Variants in NT5DC2 observed in about 807,000 individuals in gnomAD.
NT5DC2 encodes 5'-nucleotidase domain-containing protein 2.
Under a neutral mutation model 70.0 loss-of-function variants are expected in NT5DC2, and 41 were observed. The observed-to-expected ratio is 0.59, with a 90% CI of 0.46 to 0.76. The LOEUF is 0.76. Among genes scored for constraint, NT5DC2 ranks in the 30% least tolerant of loss-of-function variants. The pLI, the probability that NT5DC2 is intolerant of heterozygous loss-of-function variation, is 0.00. For synonymous variants in NT5DC2, 299 were observed against 310.4 expected (o/e 0.96, Z 0.39); for missense variants, 705 against 783.2 (o/e 0.90, Z 1.19).
chr3:52,527,644 T>C lies in NT5DC2; in HGVS notation c.1010A>G (p.Lys337Arg). 1.2e-6 allele frequency: 2 copies of C among 1,613,100 alleles called. No homozygotes were observed. Among genetic ancestry groups the C allele is most frequent in the Non-Finnish European group, 1.7e-6 (2 of 1,180,008 alleles). Residue 337 changes from lysine (K) to arginine (R), a missense_variant, in exon 9 of 14, where the codon AAG becomes AGG. By Grantham distance (26) the Lys-to-Arg change is conservative. Transcript: ENST00000422318. The stretch of plus-strand genomic sequence containing the variant: ...GCGCCGGTCAGTGAAGAAGCTGGGC[T>C]TGTCTGCCTGGACAATGACCACATC... ...LFDVVIVQAD[K>R]PSFFTDRRKP...
Position 52,525,274 on chromosome 3 carries a change from G to A in NT5DC2, c.1141C>T (p.Arg381Cys), listed in dbSNP as rs750636981. 21 of 1,612,682 alleles carry A rather than the reference G, an allele frequency of 1.3e-5. No individual in the cohort carries two copies. The highest frequency in any genetic ancestry group is 5.0e-5 in the Admixed American group (3 of 59,968). Residue 381 changes from arginine (R) to cysteine (C), a missense_variant, in exon 11 of 14, where the codon CGC becomes TGC. Physicochemically the swap from Arg to Cys is radical, Grantham distance 180 (BLOSUM62 -3). Coordinates refer to ENST00000422318, the MANE Select transcript of NT5DC2 (RefSeq NM_001134231.2). ...CGGGGGCCACGCCATTCCGTCAAGC[G>A]TAAGAAGTCAAACAGGTTTCCCTAG... is the stretch of plus-strand genomic sequence containing the variant. ...YRQGNLFDFL[R>C]LTEWRGPRVL...
At chr3:52,528,363 G>C in intron 5 of NT5DC2, 52 bp from the exon 6 acceptor site, 4 of 1,613,256 alleles carry the variant, frequency 2.5e-6, no homozygotes, top group Non-Finnish European at 3.4e-6. Context: ...AACCCCTTCA[G>C]TGCTGGAGAC....
chr3:52,525,247 C>T lies in NT5DC2; in HGVS notation c.1168G>A (p.Val390Met), dbSNP rs749124845. The change falls in exon 11 of 14, where the codon GTG becomes ATG. Residue 390 changes from valine (V) to methionine (M), a missense_variant. By Grantham distance (21) the Val-to-Met change is conservative. Coordinates refer to ENST00000422318, the MANE Select transcript of NT5DC2 (RefSeq NM_001134231.2). Reference protein sequence around the residue: ...LRLTEWRGPRVLYFGDHLYSD... With the variant: ...LRLTEWRGPRMLYFGDHLYSD... ...TAGAGGTGGTCCCCGAAGTAGAGCA[C>T]GCGGGGGCCACGCCATTCCGTCAAG... 9.3e-6 allele frequency: 15 copies of T among 1,612,758 alleles called. No individual in the cohort carries two copies. Among genetic ancestry groups the T allele is most frequent in the Non-Finnish European group, 1.2e-5 (14 of 1,179,928 alleles).
rs1575390166 is a variant in NT5DC2, at chr3:52,529,469, C to A, written c.233-135G>T. The stretch of plus-strand genomic sequence containing the variant: ...CACAATGGCACCTCTTATTCCAGTG[C>A]TGGAGATGGTCAAACAGGCCCAGAG... On this transcript the variant is annotated intron_variant, in intron 1 of 13. Coordinates refer to ENST00000422318, the MANE Select transcript of NT5DC2 (RefSeq NM_001134231.2). This position sits in a 1 kb window ranked among gnomAD's most constrained non-coding sequence, Gnocchi z 4.1. 6 of 812,598 alleles carry A rather than the reference C, an allele frequency of 7.4e-6. No homozygotes were observed. In the East Asian group the frequency reaches 1.6e-4, roughly 22 times the overall value. The allele number at this position is 812,598 out of a possible 1,614,324, so 50.3% of individuals were successfully genotyped here.
In NT5DC2 at chr3:52,524,651, C is replaced by T. The variant is rs1447461434; in HGVS notation, c.1493G>A (p.Arg498His). 3 of 1,613,050 alleles carry T rather than the reference C, an allele frequency of 1.9e-6. No homozygotes were observed. Among genetic ancestry groups the T allele is most frequent in the East Asian group, 4.5e-5 (2 of 44,888 alleles). The change falls in exon 14 of 14, where the codon CGC becomes CAC. Residue 498 changes from arginine to histidine, a missense_variant. By Grantham distance (29) the Arg-to-His change is conservative (BLOSUM62 0). Transcript: ENST00000422318. ...GTAGAGGTCAGAGAAGCGCACGAGG[C>T]GCCTTGAGAAGTAGGTGGGGTTGTG... ...TFHNPTYFSR[R>H]LVRFSDLYMA...
In NT5DC2 at chr3:52,525,200, C is replaced by T. The variant is rs2079238435; in HGVS notation, c.1206+9G>A. On this transcript the variant is annotated intron_variant, in intron 11 of 13. Coordinates refer to ENST00000422318, the MANE Select transcript of NT5DC2 (RefSeq NM_001134231.2). ...CTCCCCCACTGCAGCCCAGCCCTGC[C>T]TCCCTCACCGCCAGATCACTATAGA... The T allele has an allele frequency of 1.2e-6, 2 of 1,610,296 alleles. No homozygotes were observed. Among genetic ancestry groups the T allele is most frequent in the Non-Finnish European group, 1.7e-6 (2 of 1,178,692 alleles).
Position 52,529,412 on chromosome 3 carries a change from G to T in NT5DC2, c.233-78C>A. The T allele has an allele frequency of 7.1e-7, 1 of 1,411,944 alleles. No homozygotes were observed. The allele number at this position is 1,411,944 out of a possible 1,614,324, so 87.5% of individuals were successfully genotyped here. A position where few individuals can be genotyped will look rare whatever the true frequency, so the allele number is the denominator to read the frequency against. On this transcript the variant is annotated intron_variant, in intron 1 of 13. Coordinates refer to ENST00000422318, the MANE Select transcript of NT5DC2 (RefSeq NM_001134231.2). This position sits in a 1 kb window ranked among gnomAD's most constrained non-coding sequence, Gnocchi z 4.1. ...AGCTATGGCTCCTGAGCACTCTGTGGGGACCTAGCCCTGTGAGCCTCAGAA... is the reference window on the plus strand; with the variant it reads ...AGCTATGGCTCCTGAGCACTCTGTGTGGACCTAGCCCTGTGAGCCTCAGAA...
At chr3:52,525,610 G>C in intron 10 of NT5DC2, 2 of 338,700 alleles carry the variant, frequency 5.9e-6, no homozygotes, top group Non-Finnish European at 1.1e-5. Flanking sequence ...TGCAGGGAAG[G>C]CTCTGCAGCC....
At chr3:52,534,569 G>T, upstream of NT5DC2, 2 of 1,613,760 alleles carry the variant, frequency 1.2e-6, no homozygotes, top group South Asian at 2.2e-5. Flanking sequence ...CGCCCCTCGT[G>T]AGATGCTGTG....
chr3:52,533,722 G>A lies in NT5DC2; in HGVS notation c.16C>T (p.Leu6=), dbSNP rs2079391874. The change falls in exon 1 of 14, where the codon CTG becomes TTG. Residue 6 remains leucine (L), a synonymous_variant. Transcript: ENST00000422318. MAGAG[L]RAAARRWLLC... is the part of the protein sequence containing the mutation. Reference sequence around the variant, plus strand: ...AGCCAGCGCCGAGCGGCCGCCCGCAGCCCCGCACCCGCCATGCCCACCGCG... The same window carrying A: ...AGCCAGCGCCGAGCGGCCGCCCGCAACCCCGCACCCGCCATGCCCACCGCG... The A allele has an allele frequency of 1.0e-6, 1 of 993,220 alleles. No individual in the cohort carries two copies. Among genetic ancestry groups the A allele is most frequent in the Non-Finnish European group, 1.2e-6 (1 of 836,798 alleles). 61.5% of individuals were successfully genotyped at this position (993,220 alleles called of 1,614,324 possible). A position where few individuals can be genotyped will look rare whatever the true frequency, so the allele number is the denominator to read the frequency against.
chr3:52,534,320 C>G (rs564947048), upstream of NT5DC2: 2 of 728,444 alleles, frequency 2.7e-6, no homozygotes, highest in Non-Finnish European at 2.3e-6. Flanking sequence ...ACTGACTGCC[C>G]ACTGACCAGA....
At position 52,533,598 on chromosome 3, in the gene NT5DC2, GGGACGCCGGGGCAGT is replaced by G. The variant is rs746560674; in HGVS notation, c.125_139del (p.His42_Val46del). On this transcript the variant is annotated inframe_deletion, in exon 1 of 14. Transcript: ENST00000422318. ...GGGTGCCTGGGCGGGCGCGGAGCGCGGGACGCCGGGGCAGTGGGCGCCGGGACCCGGGGGGCCGCA... is the reference window on the plus strand; with the variant it reads ...GGGTGCCTGGGCGGGCGCGGAGCGCGGGGCGCCGGGACCCGGGGGGCCGCA... The G allele has an allele frequency of 2.1e-5, 27 of 1,273,390 alleles. No homozygotes were observed. Among genetic ancestry groups the G allele is most frequent in the South Asian group, 7.7e-5 (3 of 39,162 alleles). 78.9% of individuals were successfully genotyped at this position (1,273,390 alleles called of 1,614,324 possible).
In NT5DC2 at chr3:52,533,681, G is replaced by A. The variant is rs2153246917; in HGVS notation, c.57C>T (p.His19=). ...AGGACGAGGCGGCTCGCGGCCCGCC[G>A]TGGCCTCCGCACAGCAGCCAGCGCC... ...AARRWLLCGG[H]GGPRAASSSP... The change falls in exon 1 of 14, where the codon CAC becomes CAT. Residue 19 remains histidine (H), a synonymous_variant. Transcript: ENST00000422318. 1.8e-6 allele frequency: 2 copies of A among 1,105,486 alleles called. No individual in the cohort carries two copies. Among genetic ancestry groups the A allele is most frequent in the South Asian group, 8.6e-5 (2 of 23,384 alleles). 68.5% of individuals were successfully genotyped at this position (1,105,486 alleles called of 1,614,324 possible).
intron 9 of NT5DC2, 63 bp downstream of exon 9, chr3:52,527,554 C>G: frequency 1.3e-6 from 2 of 1,569,038 alleles, no homozygotes; most frequent in Non-Finnish European, 1.7e-6. Context: ...TGCTTCAGTC[C>G]CCTCATTGGG....
rs748555843 is a variant in NT5DC2 at position 52,527,667 on chromosome 3, A to G, written c.987T>C (p.Asp329=). Residue 329 remains aspartate, a synonymous_variant, in exon 9 of 14, where the codon GAT becomes GAC. Transcript: ENST00000422318. The part of the protein sequence containing the change: ...MVGPDWRQLF[D]VVIVQADKPS... ...GCTTGTCTGCCTGGACAATGACCAC[A>G]TCGAAGAGCTGGCGCCAATCGGGAC... The G allele has an allele frequency of 1.5e-5, 24 of 1,613,048 alleles. No individual in the cohort carries two copies. In the Admixed American group the frequency reaches 2.7e-4, roughly 18 times the overall value.
chr3:52,527,397 T>G, intron 9 of NT5DC2, 22 bp from the exon 10 acceptor site: 1 of 1,612,746 alleles, frequency 6.2e-7, no homozygotes, highest in South Asian at 1.1e-5. Context: ...GTAAAGGGCA[T>G]GACTTCCAGT....
rs749114175 is a variant in NT5DC2, at chr3:52,524,950, C to A, written c.1347+13G>T. 3.1e-6 allele frequency: 5 copies of A among 1,612,196 alleles called. No individual in the cohort carries two copies. In the East Asian group the frequency reaches 8.9e-5, roughly 29 times the overall value. ...TACCGCCCTGGCCCTCCCACAGCCA[C>A]CCCGGCCCACACCTGCATGCGCTCC... On this transcript the variant is annotated intron_variant, in intron 12 of 13. Transcript: ENST00000422318.
At chr3:52,534,226 C>T, upstream of NT5DC2, 1 of 464,496 alleles carries the variant, frequency 2.2e-6, no homozygotes. Flanking sequence ...CCTCTGGATG[C>T]TTCTGACCCC....
chr3:52,533,929 CGGCGGGGCGG>C (rs900912486), upstream of NT5DC2: 39 of 736,122 alleles, frequency 5.3e-5, no homozygotes, highest in East Asian at 7.9e-4. Flanking sequence ...GCCCCGGACC[CGGCGGGGCGG>C]GGCGGGGCGG....
Sources: gnomAD v4.1 joint callset for allele counts on GRCh38, gnomAD v4.1.1 for gene constraint, Gnocchi (gnomAD v3.1) non-coding constraint, MANE v1.5 for transcripts, NCBI Gene and HGNC (gene_info 2026-07-23, HGNC 2026-07-21) for gene names.